Variants in AKT3 observed in about 807,000 individuals in gnomAD.
AKT3 encodes the protein RAC-gamma serine/threonine-protein kinase.
AKT3 carries 15 observed loss-of-function variants against 65.3 expected under a neutral mutation model. That is an observed-to-expected ratio of 0.23 (90% CI 0.15 to 0.35). The LOEUF (loss-of-function observed/expected upper bound fraction) is 0.35, where lower values mean the gene tolerates loss of function less well. AKT3 is among the 10% of genes least tolerant of loss of function. The probability of loss-of-function intolerance (pLI) is 1.00; values close to 1 mark genes in which losing one functional copy is unlikely to be tolerated. For synonymous variants in AKT3, 206 were observed against 183.8 expected (o/e 1.12, Z -0.98); for missense variants, 243 against 576.5 (o/e 0.42, Z 5.92).
At chr1:243,653,019 G>T (rs1201129675) in intron 4 of AKT3, among the ~76,000 whole-genome samples, 1 of 151,230 alleles carries the variant, frequency 6.6e-6, no homozygotes, top group African/African-American at 2.4e-5. Flanking sequence ...GGGAGAAAGA[G>T]ACATGAAAAA....
chr1:243,795,995 C>A (rs1345073720), intron 2 of AKT3, among the ~76,000 whole-genome samples: 1 of 152,198 alleles, frequency 6.6e-6, no homozygotes, highest in Non-Finnish European at 1.5e-5. Context: ...AGCTCCATTT[C>A]TGACCCCTAT....
At chr1:243,511,544 T>C (rs921882280) in intron 13 of AKT3, among the ~76,000 whole-genome samples, 2 of 152,154 alleles carry the variant, frequency 1.3e-5, no homozygotes, top group Non-Finnish European at 2.9e-5. Context: ...AAAGAAAAAC[T>C]ATGATGTGAA....
intron 5 of AKT3, among the ~76,000 whole-genome samples, chr1:243,639,085 G>C (rs1454547080): frequency 1.3e-5 from 2 of 152,122 alleles, no homozygotes; most frequent in Non-Finnish European, 2.9e-5. Context: ...AGAAACGTAA[G>C]AGACTATTAT....
At chr1:243,802,067 A>G (rs1392431841) in intron 2 of AKT3, among the ~76,000 whole-genome samples, 1 of 152,208 alleles carries the variant, frequency 6.6e-6, no homozygotes, top group Non-Finnish European at 1.5e-5. Flanking sequence ...TTTGGTTTTC[A>G]CAATCATCTT....
chr1:243,781,431 T>C (rs552039034), intron 2 of AKT3, among the ~76,000 whole-genome samples: 7 of 152,328 alleles, frequency 4.6e-5, no homozygotes, highest in East Asian at 1.9e-4. Context: ...CCATTTGTAC[T>C]TCCCTCCTCT....
intron 3 of AKT3, among the ~76,000 whole-genome samples, chr1:243,679,899 T>C (rs893374812): frequency 3.3e-5 from 5 of 152,160 alleles, no homozygotes; most frequent in African/African-American, 1.2e-4. Context: ...TAATACTGTT[T>C]AACAAAAATA....
intron 12 of AKT3, among the ~76,000 whole-genome samples, chr1:243,536,537 T>C (rs959616654): frequency 1.6e-4 from 25 of 152,202 alleles, no homozygotes; most frequent in Non-Finnish European, 3.1e-4. Context: ...ATTATTATTG[T>C]TGCCTCTGTT....
At chr1:243,714,331 T>C (rs1180159334) in intron 2 of AKT3, among the ~76,000 whole-genome samples, 3 of 152,216 alleles carry the variant, frequency 2.0e-5, no homozygotes, top group Non-Finnish European at 2.9e-5. Context: ...AATTAAACAA[T>C]GTGTCCACTT....
intron 2 of AKT3, among the ~76,000 whole-genome samples, chr1:243,744,675 C>G (rs1357079616): frequency 2.0e-5 from 3 of 146,740 alleles, no homozygotes; most frequent in Admixed American, 6.9e-5. Flanking sequence ...GGAGGCGGAG[C>G]TTGCAGTGAG....
At chr1:243,681,555 A>G (rs2147976532) in intron 3 of AKT3, among the ~76,000 whole-genome samples, 1 of 152,290 alleles carries the variant, frequency 6.6e-6, no homozygotes, top group East Asian at 1.9e-4. Flanking sequence ...TCTAGCAGAA[A>G]GAAGTCTCGC....
chr1:243,757,847 G>T (rs1024355029), intron 2 of AKT3, among the ~76,000 whole-genome samples: 1 of 150,358 alleles, frequency 6.7e-6, no homozygotes, highest in Non-Finnish European at 1.5e-5. Context: ...TGCAACCTCC[G>T]CCTCTCAGGT....
At chr1:243,796,817 C>T (rs559763578) in intron 2 of AKT3, among the ~76,000 whole-genome samples, 5 of 152,178 alleles carry the variant, frequency 3.3e-5, no homozygotes, top group East Asian at 3.9e-4. Flanking sequence ...GAAGGAGATG[C>T]GGACATGTGC....
intron 5 of AKT3, among the ~76,000 whole-genome samples, chr1:243,639,619 G>C (rs1352943777): frequency 6.6e-6 from 1 of 152,152 alleles, no homozygotes; most frequent in Admixed American, 6.5e-5. Flanking sequence ...CAAATGCCAT[G>C]ACATATCGGG....
chr1:243,766,394 G>C (rs1280311887), intron 2 of AKT3, among the ~76,000 whole-genome samples: 1 of 152,096 alleles, frequency 6.6e-6, no homozygotes, highest in African/African-American at 2.4e-5. Context: ...GAAATGTACA[G>C]GGTACTTTAA....
intron 12 of AKT3, among the ~76,000 whole-genome samples, chr1:243,535,096 G>A (rs1671801112): frequency 7.8e-6 from 1 of 128,666 alleles, no homozygotes; most frequent in Admixed American, 7.8e-5. Flanking sequence ...TTAAGTAAGT[G>A]TATTTCTATC....
At chr1:243,743,352 G>A (rs976333666) in intron 2 of AKT3, among the ~76,000 whole-genome samples, 1 of 152,148 alleles carries the variant, frequency 6.6e-6, no homozygotes, top group African/African-American at 2.4e-5. Context: ...GACTTCCCTG[G>A]AAGGAAAAAC....
At chr1:243,571,902 C>T (rs930407150) in intron 9 of AKT3, among the ~76,000 whole-genome samples, 6 of 152,190 alleles carry the variant, frequency 3.9e-5, no homozygotes, top group African/African-American at 1.4e-4. Context: ...GTTCTTCCTA[C>T]ATACAACATC....
intron 2 of AKT3, among the ~76,000 whole-genome samples, chr1:243,713,281 T>C (rs547312907): frequency 1.3e-5 from 2 of 152,234 alleles, no homozygotes; most frequent in African/African-American, 4.8e-5. Flanking sequence ...ATAAGAAACT[T>C]TGTATTGCCA....
chr1:243,715,650 C>T (rs1306706946), intron 2 of AKT3, among the ~76,000 whole-genome samples: 3 of 151,950 alleles, frequency 2.0e-5, no homozygotes, highest in African/African-American at 7.2e-5. Context: ...TGCAGAAAAA[C>T]ATTACATAAT....
Sources: allele counts gnomAD v4.1 joint callset (sites outside exome capture counted in the v4.1 genomes callset), GRCh38; gene constraint gnomAD v4.1.1; transcripts MANE v1.5; gene names NCBI Gene and HGNC (gene_info 2026-07-23, HGNC 2026-07-21).